Variants in RYR2 observed in about 807,000 individuals in gnomAD.
RYR2 encodes the protein cardiac muscle ryanodine receptor-calcium release channel.
In RYR2, 227 loss-of-function variants were observed where a neutral mutation model predicts 601.1. The ratio of observed to expected loss-of-function variants is 0.38; its 90% confidence interval spans 0.34 to 0.42. The LOEUF (loss-of-function observed/expected upper bound fraction) is 0.42. Ranked by LOEUF, RYR2 falls within the 10% of genes least tolerant of loss-of-function variation. The probability of loss-of-function intolerance (pLI) is 1.00; values close to 1 mark genes in which losing one functional copy is unlikely to be tolerated. For missense variants in RYR2, 4,646 were observed against 6,156.5 expected (o/e 0.75, Z 8.21); for synonymous variants, 2,223 against 2,175.1 (o/e 1.02, Z -0.61).
At chr1:237,413,166 C>T (rs374020811) in intron 10 of RYR2, among the ~76,000 whole-genome samples, 2 of 152,032 alleles carry the variant, frequency 1.3e-5, no homozygotes, top group East Asian at 1.9e-4. Context: ...GTGTAATTTA[C>T]GTAGGGAACT....
intron 1 of RYR2, among the ~76,000 whole-genome samples, chr1:237,160,959 T>C (rs1461593846): frequency 6.6e-6 from 1 of 152,158 alleles, no homozygotes; most frequent in Non-Finnish European, 1.5e-5. Context: ...TGAGACTGTG[T>C]TTAATTAGAG....
chr1:237,610,664 C>T lies in RYR2; in HGVS notation c.4684-98C>T. 2 of 985,072 alleles carry T rather than the reference C, an allele frequency of 2.0e-6. No homozygotes were observed. The highest frequency in any genetic ancestry group is 3.4e-5 in the South Asian group (2 of 59,322). The allele number at this position is 985,072 out of a possible 1,614,324, so 61.0% of individuals were successfully genotyped here. On this transcript the variant is annotated intron_variant, in intron 35 of 104. Coordinates refer to ENST00000366574, the MANE Select transcript of RYR2 (RefSeq NM_001035.3). This position sits in a 1 kb window ranked among gnomAD's most constrained non-coding sequence, Gnocchi z 4.9. ...TTGCTTGACTCATAGGGTTATCTTA[C>T]TTTCCCTGTCTCTGTCCTGTGCAGA...
chr1:237,483,736 C>T (rs150355306), intron 17 of RYR2, among the ~76,000 whole-genome samples: 1 of 152,266 alleles, frequency 6.6e-6, no homozygotes, highest in African/African-American at 2.4e-5. Context: ...TTTACTTCCC[C>T]ATCTTTTTAC....
chr1:237,441,473 T>C lies in RYR2; in HGVS notation c.1160T>C (p.Ile387Thr), dbSNP rs1050065450. The change falls in exon 13 of 105, where the codon ATA (isoleucine) becomes ACA (threonine). Residue 387 changes from isoleucine (I) to threonine (T), a missense_variant. Physicochemically the swap from Ile to Thr is moderately conservative, Grantham distance 89. Transcript: ENST00000366574. ...GTGAAATCCGTGAGAATGGGATCTA[T>C]ACAACGTAAGGTAAGGTGATAGAAA... ...VDVKSVRMGS[I>T]QRKAIMHHEG... 2.6e-6 allele frequency: 4 copies of C among 1,544,658 alleles called. No individual in the cohort carries two copies. The highest frequency in any genetic ancestry group is 2.6e-6 in the Non-Finnish European group (3 of 1,141,194).
At chr1:237,093,006 C>G (rs192643373) in intron 1 of RYR2, among the ~76,000 whole-genome samples, 160 of 152,286 alleles carry the variant, frequency 1.1e-3, no homozygotes, top group African/African-American at 3.3e-3. Flanking sequence ...AGTGCTGTCC[C>G]GTAGAACTCC....
At chr1:237,742,397 T>C (rs1410938007) in intron 80 of RYR2, 48 bp downstream of exon 80, 7 of 1,259,916 alleles carry the variant, frequency 5.6e-6, no homozygotes, top group Non-Finnish European at 7.9e-6. Context: ...CTTGAAACAT[T>C]GTTTCATAGC....
chr1:237,081,280 TAAAAA>T (rs397815900), intron 1 of RYR2, among the ~76,000 whole-genome samples: 146 of 56,278 alleles, frequency 2.6e-3, no homozygotes, highest in Middle Eastern at 0.012. Context: ...TAGAGTATAA[TAAAAA>T]AAAAAAAAAA....
intron 27 of RYR2, among the ~76,000 whole-genome samples, chr1:237,551,463 A>G (rs2618659): frequency 0.89 from 133,101 of 149,644 alleles, 60,320 homozygotes; most frequent in East Asian, 0.97. Context: ...CCCGGGAGGC[A>G]GAGCTTGCAG....
intron 2 of RYR2, among the ~76,000 whole-genome samples, chr1:237,300,574 A>T (rs1351006440): frequency 1.3e-5 from 2 of 152,180 alleles, no homozygotes; most frequent in East Asian, 3.9e-4. Flanking sequence ...CTTTTCAGTG[A>T]TCCTGTATAC....
intron 1 of RYR2, among the ~76,000 whole-genome samples, chr1:237,221,097 A>G (rs922790489): frequency 2.0e-5 from 3 of 152,130 alleles, no homozygotes; most frequent in Non-Finnish European, 4.4e-5. Flanking sequence ...TTCTGTCTCA[A>G]AAAAACCCCC....
rs1248913281 is a variant in RYR2, at chr1:237,106,467, CAG to C, written c.48+63900_48+63901del. Among the ~76,000 whole-genome samples, 3 of 152,110 alleles carry C rather than the reference CAG, an allele frequency of 2.0e-5. No individual in the cohort carries two copies. In the East Asian group the frequency reaches 5.8e-4, roughly 29 times the overall value. On this transcript the variant is annotated intron_variant, in intron 1 of 104. Transcript: ENST00000366574. The surrounding 1 kb of genome is among the most constrained non-coding windows in gnomAD (Gnocchi z 4.4). ...GGATCATCCCAAGGTTTCTGGCAGA[CAG>C]ATGATGTTTCACCAGCTAAGATGGA...
Position 237,387,227 on chromosome 1 carries a change from A to G in RYR2, c.577-54A>G, listed in dbSNP as rs1407387975. ...AGTTTGCATTCCTAGAAGCACTTAC[A>G]TGTTACAGCTTACCAGAGCCTGAAG... On this transcript the variant is annotated intron_variant, in intron 8 of 104. Coordinates refer to ENST00000366574, the MANE Select transcript of RYR2 (RefSeq NM_001035.3). 3.3e-6 allele frequency: 5 copies of G among 1,499,968 alleles called. No homozygotes were observed. In the African/African-American group the frequency reaches 6.9e-5, roughly 21 times the overall value. The allele number at this position is 1,499,968 out of a possible 1,614,324, so 92.9% of individuals were successfully genotyped here. A position where few individuals can be genotyped will look rare whatever the true frequency, so the allele number is the denominator to read the frequency against.
intron 63 of RYR2, 28 bp from the exon 64 acceptor site, chr1:237,698,937 T>C (rs1687726931): frequency 7.0e-7 from 1 of 1,419,472 alleles, no homozygotes; most frequent in Non-Finnish European, 9.7e-7. Context: ...CTCAGGGCAA[T>C]TTATACAGCA....
chr1:237,764,694 A>C (rs1408902269), intron 84 of RYR2, among the ~76,000 whole-genome samples: 1 of 151,400 alleles, frequency 6.6e-6, no homozygotes, highest in East Asian at 2.0e-4. Flanking sequence ...TGACCCACCC[A>C]CCTCGGCCTC....
At chr1:237,439,884 G>A (rs1226661255) in intron 12 of RYR2, among the ~76,000 whole-genome samples, 6 of 151,914 alleles carry the variant, frequency 3.9e-5, no homozygotes, top group Non-Finnish European at 8.8e-5. Flanking sequence ...GATAATTACA[G>A]TGTTCTATTT....
At chr1:237,604,245 A>C (rs1413755236) in intron 35 of RYR2, among the ~76,000 whole-genome samples, 1 of 152,220 alleles carries the variant, frequency 6.6e-6, no homozygotes, top group Non-Finnish European at 1.5e-5. Context: ...GTGCAATCAA[A>C]CTAGAACTCA....
intron 2 of RYR2, among the ~76,000 whole-genome samples, chr1:237,292,003 C>T (rs1042505924): frequency 1.3e-5 from 2 of 152,076 alleles, no homozygotes; most frequent in East Asian, 1.9e-4. Flanking sequence ...TGGGGGAAGC[C>T]GTGCATGTGT....
intron 24 of RYR2, among the ~76,000 whole-genome samples, chr1:237,523,094 G>C (rs1192330128): frequency 1.3e-5 from 2 of 152,174 alleles, no homozygotes; most frequent in African/African-American, 4.8e-5. Context: ...ACTTGATATG[G>C]TTGTAGTGTT....
At chr1:237,393,957 A>C (rs1482904669) in intron 10 of RYR2, among the ~76,000 whole-genome samples, 1 of 152,188 alleles carries the variant, frequency 6.6e-6, no homozygotes, top group East Asian at 1.9e-4. Flanking sequence ...GAGCTGTTGG[A>C]TCTTGGCAAA....
Sources: gnomAD v4.1 joint callset for allele counts (sites outside exome capture counted in the v4.1 genomes callset) on GRCh38, gnomAD v4.1.1 for gene constraint, Gnocchi (gnomAD v3.1) non-coding constraint, MANE v1.5 for transcripts, NCBI Gene and HGNC (gene_info 2026-07-23, HGNC 2026-07-21) for gene names.